Variants in GLIS3 observed in about 807,000 individuals in gnomAD.
The protein encoded by GLIS3 is GLIS family zinc finger 3, also known as zinc finger protein GLIS3.
GLIS3 carries 53 observed loss-of-function variants against 78.6 expected under a neutral mutation model. The ratio of observed to expected loss-of-function variants is 0.67; its 90% CI spans 0.54 to 0.85. The LOEUF is 0.85. Ranked by LOEUF, GLIS3 falls within the 40% of genes least tolerant of loss-of-function variation. The pLI, the probability that GLIS3 is intolerant of heterozygous loss-of-function variation, is 0.00. For synonymous variants in GLIS3, 684 were observed against 509.9 expected, an observed-to-expected ratio of 1.34 and a Z score of -4.60; for missense variants, 1,703 against 1,231.1, an observed-to-expected ratio of 1.38 and a Z score of -5.74.
At chr9:4,198,588 T>G (rs941329471) in intron 2 of GLIS3, among the ~76,000 whole-genome samples, 4 of 152,196 alleles carry the variant, frequency 2.6e-5, no homozygotes, top group Admixed American at 2.6e-4. Context: ...TACAAATTAC[T>G]GGCATTCCTG....
rs534127351 is a variant in GLIS3, at chr9:4,187,719, G to C, written c.389-61778C>G. ...CTTGAAGAGGTCTTTCACATCCCTT[G>C]TAAGTTGGATTCCTAGGTATTTTAT... On this transcript the variant is annotated intron_variant, in intron 2 of 10. Transcript: ENST00000381971. Among the ~76,000 whole-genome samples, 35 of 152,266 alleles carry C rather than the reference G, an allele frequency of 2.3e-4. No homozygotes were observed. The East Asian group carries it at 6.4e-3, about 28-fold the overall frequency.
chr9:4,388,077 A>T, the GLIS3 span, among the ~76,000 whole-genome samples: 1 of 152,226 alleles, frequency 6.6e-6, no homozygotes, highest in African/African-American at 2.4e-5. Flanking sequence ...ATGTACCATT[A>T]AAGTTTCTTA....
chr9:3,936,998 T>G (rs1193761575), intron 5 of GLIS3, 30 bp downstream of exon 5: 1 of 1,612,008 alleles, frequency 6.2e-7, no homozygotes, highest in Non-Finnish European at 8.5e-7. Flanking sequence ...GGCGCTGGGT[T>G]GGAAACTGGA....
intron 2 of GLIS3, among the ~76,000 whole-genome samples, chr9:4,171,764 T>C (rs562534102): frequency 6.6e-5 from 10 of 152,322 alleles, no homozygotes; most frequent in East Asian, 1.9e-4. Flanking sequence ...TGGTTAGGCA[T>C]TGCAGATTTA....
intron 4 of GLIS3, among the ~76,000 whole-genome samples, chr9:4,031,505 C>T (rs200810869): frequency 3.3e-5 from 5 of 152,012 alleles, no homozygotes; most frequent in East Asian, 3.8e-4. Context: ...GGAGAACTAC[C>T]GATTGATGGG....
rs1177753674 is a variant in GLIS3 at position 4,033,864 on chromosome 9, T to TTAA, written c.1710+83903_1710+83904insTTA. Among the ~76,000 whole-genome samples, 167 of 67,998 alleles carry TTAA rather than the reference T, an allele frequency of 2.5e-3. 3 individuals are homozygous for TTAA. The highest frequency in any genetic ancestry group is 9.5e-3 in the African/African-American group (152 of 16,008). 44.6% of individuals were successfully genotyped at this position (67,998 alleles called of 152,430 possible). On this transcript the variant is annotated intron_variant, in intron 4 of 10. Transcript: ENST00000381971. ...TGCCCCCAAAAACATAGGCGAAGGA[T>TTAA]AAAAAAAAAAAAAAAAAAAAAAAAA...
intron 2 of GLIS3, among the ~76,000 whole-genome samples, chr9:4,222,444 C>T (rs1485762713): frequency 2.6e-5 from 4 of 152,174 alleles, no homozygotes; most frequent in Non-Finnish European, 2.9e-5. Flanking sequence ...TGCTTAGAAT[C>T]GGCCTACCCT....
intron 4 of GLIS3, among the ~76,000 whole-genome samples, chr9:3,992,210 A>G (rs147215726): frequency 4.6e-5 from 7 of 152,326 alleles, no homozygotes; most frequent in African/African-American, 1.7e-4. Context: ...TTCACTTTAT[A>G]CAGTGCCTAG....
chr9:4,356,142 G>A, the GLIS3 span, among the ~76,000 whole-genome samples: 1 of 152,092 alleles, frequency 6.6e-6, no homozygotes, highest in African/African-American at 2.4e-5. Flanking sequence ...TGTAATGATG[G>A]GTTATAATTA....
chr9:4,026,494 A>G (rs1365339386), intron 4 of GLIS3, among the ~76,000 whole-genome samples: 1 of 152,208 alleles, frequency 6.6e-6, no homozygotes, highest in Non-Finnish European at 1.5e-5. Context: ...ATTTTCCAAA[A>G]AGCATTTGAG....
At chr9:3,857,734 A>G (rs1443386384) in intron 8 of GLIS3, among the ~76,000 whole-genome samples, 1 of 152,232 alleles carries the variant, frequency 6.6e-6, no homozygotes, top group Non-Finnish European at 1.5e-5. Flanking sequence ...TTTTCTGAGC[A>G]TATCATCTTA....
At chr9:4,352,717 G>A (rs1335021500), upstream of GLIS3, among the ~76,000 whole-genome samples, 1 of 152,240 alleles carries the variant, frequency 6.6e-6, no homozygotes, top group Non-Finnish European at 1.5e-5. Context: ...CAGTTCAGCT[G>A]GCCCTTGTGC....
At chr9:3,956,789 T>C (rs1817141178) in intron 4 of GLIS3, among the ~76,000 whole-genome samples, 1 of 152,230 alleles carries the variant, frequency 6.6e-6, no homozygotes, top group Non-Finnish European at 1.5e-5. Flanking sequence ...GACCAGGCTG[T>C]AATGACTTTG....
chr9:4,407,730 C>T, the GLIS3 span, among the ~76,000 whole-genome samples: 2 of 152,116 alleles, frequency 1.3e-5, no homozygotes, highest in South Asian at 2.1e-4. Flanking sequence ...CGAGTAATAC[C>T]CCGCAAGCGC....
the GLIS3 span, among the ~76,000 whole-genome samples, chr9:4,355,386 A>G: frequency 9.9e-5 from 15 of 152,172 alleles, no homozygotes; most frequent in African/African-American, 2.9e-4. Context: ...CACATGGCTG[A>G]TATCTTGTAG....
chr9:4,139,280 G>A (rs748745712), intron 2 of GLIS3, among the ~76,000 whole-genome samples: 5 of 152,212 alleles, frequency 3.3e-5, no homozygotes, highest in Non-Finnish European at 5.9e-5. Flanking sequence ...ACTGTACGGA[G>A]CAATGACTGG....
At chr9:4,474,355 AC>A in the GLIS3 span, among the ~76,000 whole-genome samples, 1 of 152,190 alleles carries the variant, frequency 6.6e-6, no homozygotes, top group African/African-American at 2.4e-5. Context: ...AAACAAACAA[AC>A]AAAACAACAA....
intron 8 of GLIS3, among the ~76,000 whole-genome samples, chr9:3,863,430 TG>T: frequency 1.3e-5 from 2 of 151,856 alleles, no homozygotes; most frequent in South Asian, 4.1e-4. Flanking sequence ...CACTGTCCAC[TG>T]GGGCAGGACT....
chr9:4,269,074 A>G (rs1343644735), intron 2 of GLIS3, among the ~76,000 whole-genome samples: 1 of 152,212 alleles, frequency 6.6e-6, no homozygotes, highest in African/African-American at 2.4e-5. Flanking sequence ...CATTTAGTCC[A>G]AGCTTTCTCA....
Sources: allele counts gnomAD v4.1 joint callset (sites outside exome capture counted in the v4.1 genomes callset), GRCh38; gene constraint gnomAD v4.1.1; transcripts MANE v1.5; gene names NCBI Gene and HGNC (gene_info 2026-07-23, HGNC 2026-07-21).